The following SLIT1 variants were observed in gnomAD, a reference collection of about 807,000 sequenced individuals.
SLIT1 encodes slit homolog 1 protein.
In SLIT1, 66 loss-of-function variants were observed where a neutral mutation model predicts 186.1. The observed-to-expected ratio is 0.35, with a 90% CI of 0.29 to 0.44. The LOEUF (loss-of-function observed/expected upper bound fraction) is 0.44, where lower values mean the gene tolerates loss of function less well. SLIT1 is among the 20% of genes least tolerant of loss of function. The probability of loss-of-function intolerance (pLI) is 1.00; values close to 1 mark genes in which losing one functional copy is unlikely to be tolerated. For synonymous variants in SLIT1, 761 were observed against 833.8 expected (o/e 0.91, Z 1.50); for missense variants, 1,638 against 2,037.4 (o/e 0.80, Z 3.77).
rs766612702 is a variant in SLIT1, at chr10:97,040,127, A to T, written c.2165-7T>A. 62 of 1,555,014 alleles carry T rather than the reference A, an allele frequency of 4.0e-5. 1 individual carries two copies. In the East Asian group the frequency reaches 1.4e-3, roughly 36 times the overall value. On this transcript the variant is annotated splice_region_variant and splice_polypyrimidine_tract_variant and intron_variant, in intron 20 of 36. Coordinates refer to ENST00000266058, the MANE Select transcript of SLIT1 (RefSeq NM_003061.3). The stretch of plus-strand genomic sequence containing the variant: ...CAGCCCCCCTCCTCCTGGCCTAGGG[A>T]AGAAGGCACGAAGCCCCTGTCAGGG...
At chr10:97,041,193 C>T (rs1452164713) in intron 20 of SLIT1, among the ~76,000 whole-genome samples, 1 of 152,182 alleles carries the variant, frequency 6.6e-6, no homozygotes, top group Non-Finnish European at 1.5e-5. Flanking sequence ...ACGTAGGGAG[C>T]ATCTACGAGG....
chr10:97,121,993 G>A (rs1055236594), intron 4 of SLIT1, among the ~76,000 whole-genome samples: 4 of 152,176 alleles, frequency 2.6e-5, no homozygotes, highest in East Asian at 3.8e-4. Context: ...TTTACAGATG[G>A]GAGAACAAGG....
At chr10:97,072,963 G>C (rs1849013153) in intron 4 of SLIT1, among the ~76,000 whole-genome samples, 1 of 152,146 alleles carries the variant, frequency 6.6e-6, no homozygotes, top group South Asian at 2.1e-4. Context: ...CAAGAAATGC[G>C]GGCTGTTGTC....
intron 4 of SLIT1, among the ~76,000 whole-genome samples, chr10:97,140,761 T>C (rs542608353): frequency 1.3e-4 from 20 of 152,316 alleles, no homozygotes; most frequent in African/African-American, 4.8e-4. Context: ...ACCTCTGGTT[T>C]TGCCCAGGGA....
At chr10:97,033,425 A>T (rs1223372990) in intron 23 of SLIT1, among the ~76,000 whole-genome samples, 11 of 152,208 alleles carry the variant, frequency 7.2e-5, no homozygotes, top group Admixed American at 7.2e-4. Flanking sequence ...AATTAAAGCC[A>T]GCATTTAAAT....
At chr10:97,107,472 C>T (rs1335612411) in intron 4 of SLIT1, among the ~76,000 whole-genome samples, 7 of 152,174 alleles carry the variant, frequency 4.6e-5, no homozygotes, top group South Asian at 2.1e-4. Flanking sequence ...CTGCATCACA[C>T]GAGACCCCAG....
At chr10:97,005,187 G>T (rs1467156570) in intron 32 of SLIT1, among the ~76,000 whole-genome samples, 1 of 152,208 alleles carries the variant, frequency 6.6e-6, no homozygotes, top group African/African-American at 2.4e-5. Context: ...TGCCCTGTGG[G>T]CCTTGGGGAG....
intron 1 of SLIT1, among the ~76,000 whole-genome samples, chr10:97,168,029 A>G (rs148761081): frequency 3.9e-5 from 6 of 152,330 alleles, no homozygotes; most frequent in African/African-American, 1.4e-4. Context: ...TAAACTGCTT[A>G]TGTAGAAACT....
At chr10:97,084,018 T>C (rs1177782633) in intron 4 of SLIT1, among the ~76,000 whole-genome samples, 2 of 152,120 alleles carry the variant, frequency 1.3e-5, no homozygotes, top group Non-Finnish European at 2.9e-5. Context: ...CCAGTCTTCA[T>C]CTAGTTGTGG....
intron 4 of SLIT1, among the ~76,000 whole-genome samples, chr10:97,099,153 G>GA (rs879318903): frequency 3.3e-5 from 5 of 150,044 alleles, no homozygotes; most frequent in African/African-American, 4.9e-5. Flanking sequence ...GTCCAGTTTG[G>GA]GGGGATGCTG....
At chr10:97,040,251 G>A (rs932466776) in intron 20 of SLIT1, 131 bp from the exon 21 acceptor site, 1 of 927,486 alleles carries the variant, frequency 1.1e-6, no homozygotes, top group Non-Finnish European at 1.5e-6. Flanking sequence ...CCATCAGTAA[G>A]TCTGTGCACT....
chr10:97,057,129 C>G (rs2134634185), intron 12 of SLIT1, 81 bp downstream of exon 12: 1 of 1,094,368 alleles, frequency 9.1e-7, no homozygotes, highest in Non-Finnish European at 1.4e-6. Flanking sequence ...CCAAGAGAGG[C>G]CTAAAGGGAC....
At chr10:97,030,196 T>C (rs1848578783) in intron 25 of SLIT1, among the ~76,000 whole-genome samples, 1 of 152,244 alleles carries the variant, frequency 6.6e-6, no homozygotes, top group Admixed American at 6.5e-5. Flanking sequence ...TCAAGCCCAC[T>C]GCTTTTAAGG....
intron 1 of SLIT1, among the ~76,000 whole-genome samples, chr10:97,168,423 A>G (rs1248853869): frequency 6.6e-6 from 1 of 152,260 alleles, no homozygotes; most frequent in African/African-American, 2.4e-5. Context: ...CGATTTTTAT[A>G]TAGTTAATTC....
At chr10:97,028,931 T>C (rs182538680) in intron 25 of SLIT1, among the ~76,000 whole-genome samples, 3 of 152,300 alleles carry the variant, frequency 2.0e-5, no homozygotes, top group African/African-American at 7.2e-5. Flanking sequence ...CAGAGCCCCT[T>C]ACCCCTCCCA....
Position 97,043,264 on chromosome 10 carries a change from C to T in SLIT1, c.1997+106G>A, listed in dbSNP as rs893377372. The T allele has an allele frequency of 7.5e-6, 11 of 1,466,476 alleles. No individual in the cohort carries two copies. Among genetic ancestry groups the T allele is most frequent in the East Asian group, 2.3e-5 (1 of 44,032 alleles). 90.8% of individuals were successfully genotyped at this position (1,466,476 alleles called of 1,614,324 possible). On this transcript the variant is annotated intron_variant, in intron 19 of 36. Transcript: ENST00000266058. The surrounding 1 kb of genome is among the most constrained non-coding windows in gnomAD (Gnocchi z 7.0). ...GTGGAACCCACGTTTCAGCAAACCA[C>T]GAAGACCCAGCACCCCCAGGGTGAG...
chr10:97,037,756 C>T lies in SLIT1; in HGVS notation c.2308G>A (p.Gly770Arg), dbSNP rs753117504. 26 of 1,606,030 alleles carry T rather than the reference C, an allele frequency of 1.6e-5. No individual in the cohort carries two copies. Among genetic ancestry groups the T allele is most frequent in the Non-Finnish European group, 2.0e-5 (24 of 1,173,484 alleles). Reference sequence around the variant, plus strand: ...CCCGGAACCAGCGTGAACTGGTTCCCGTCCAAATAGCTGCAGAGAGAACAC... The same window carrying T: ...CCCGGAACCAGCGTGAACTGGTTCCTGTCCAAATAGCTGCAGAGAGAACAC... ...PKNVTELYLD[G>R]NQFTLVPGQL... is the part of the protein sequence containing the mutation. The change falls in exon 22 of 37, where the codon GGG becomes AGG. Residue 770 changes from glycine (G) to arginine (R), a missense_variant. Coordinates refer to ENST00000266058, the MANE Select transcript of SLIT1 (RefSeq NM_003061.3).
At chr10:97,034,309 A>G (rs566070965) in intron 23 of SLIT1, among the ~76,000 whole-genome samples, 162 bp downstream of exon 23, 1 of 152,298 alleles carries the variant, frequency 6.6e-6, no homozygotes, top group East Asian at 1.9e-4. Flanking sequence ...ACAATGAAAG[A>G]TGTTTTTTCA....
chr10:97,028,894 T>C (rs891860442), intron 25 of SLIT1, among the ~76,000 whole-genome samples: 1 of 152,146 alleles, frequency 6.6e-6, no homozygotes, highest in African/African-American at 2.4e-5. Flanking sequence ...AAAATGGAAA[T>C]AATAAATCAA....
Sources: allele counts gnomAD v4.1 joint callset (sites outside exome capture counted in the v4.1 genomes callset), GRCh38; gene constraint gnomAD v4.1.1; non-coding constraint Gnocchi (gnomAD v3.1); transcripts MANE v1.5; gene names NCBI Gene and HGNC (gene_info 2026-07-23, HGNC 2026-07-21).